The following RARB variants were observed in gnomAD, a reference collection of about 807,000 sequenced individuals.
The protein encoded by RARB is HBV-activated protein.
A neutral mutation model predicts 51.9 loss-of-function variants in RARB; 17 were observed. The ratio of observed to expected loss-of-function variants is 0.33; its 90% CI spans 0.22 to 0.49. RARB has a LOEUF of 0.49. Ranked by LOEUF, RARB falls within the 20% of genes least tolerant of loss-of-function variation. RARB has a pLI of 0.99. For missense variants in RARB, 369 were observed against 550.8 expected (o/e 0.67, Z 3.30); for synonymous variants, 215 against 195.4 (o/e 1.10, Z -0.84).
chr3:25,228,533 C>T (rs1451386604), intron 5 of RARB, among the ~76,000 whole-genome samples: 4 of 151,942 alleles, frequency 2.6e-5, no homozygotes, highest in Admixed American at 6.6e-5. Context: ...ATATTCTTCA[C>T]ACCTACTAAA....
intron 2 of RARB, among the ~76,000 whole-genome samples, chr3:24,963,435 G>T (rs1313266922): frequency 6.8e-6 from 1 of 148,052 alleles, no homozygotes; most frequent in African/African-American, 2.5e-5. Flanking sequence ...CACGCTCATG[G>T]CCTCTTGATC....
At chr3:25,553,816 C>T (rs1025001994) in intron 3 of RARB, among the ~76,000 whole-genome samples, 1 of 152,078 alleles carries the variant, frequency 6.6e-6, no homozygotes, top group Non-Finnish European at 1.5e-5. Flanking sequence ...CAGAGGTCCC[C>T]GACTCTCTTT....
chr3:24,885,385 T>C (rs567090180), intron 2 of RARB, among the ~76,000 whole-genome samples: 1 of 152,290 alleles, frequency 6.6e-6, no homozygotes, highest in South Asian at 2.1e-4. Flanking sequence ...GGTGGGGATT[T>C]GAGCATCAGA....
intron 3 of RARB, among the ~76,000 whole-genome samples, chr3:25,077,933 C>A (rs1182451097): frequency 6.6e-6 from 1 of 152,072 alleles, no homozygotes; most frequent in East Asian, 1.9e-4. Context: ...GATATCTTTG[C>A]TAACTAATGA....
chr3:25,104,612 C>T (rs1412042802), intron 3 of RARB, among the ~76,000 whole-genome samples: 1 of 151,994 alleles, frequency 6.6e-6, no homozygotes, highest in Admixed American at 6.6e-5. Flanking sequence ...CCACTGCACT[C>T]CAGCTTGGGT....
intron 2 of RARB, among the ~76,000 whole-genome samples, chr3:24,953,703 T>G (rs898407090): frequency 3.9e-5 from 6 of 152,214 alleles, no homozygotes; most frequent in African/African-American, 1.4e-4. Flanking sequence ...CAGATTTTTT[T>G]TCAAAAACAA....
intron 5 of RARB, among the ~76,000 whole-genome samples, chr3:25,395,052 G>A (rs1285701350): frequency 1.3e-5 from 2 of 152,146 alleles, no homozygotes; most frequent in Non-Finnish European, 2.9e-5. Context: ...TTGAGGTTTT[G>A]TTTCAAGATT....
At chr3:25,563,745 G>A (rs977773252) in intron 3 of RARB, among the ~76,000 whole-genome samples, 3 of 152,064 alleles carry the variant, frequency 2.0e-5, no homozygotes, top group Non-Finnish European at 4.4e-5. Context: ...TTAGTTACAG[G>A]TCATCCCCAA....
intron 5 of RARB, among the ~76,000 whole-genome samples, chr3:25,186,241 A>G (rs1700971496): frequency 6.6e-6 from 1 of 152,116 alleles, no homozygotes; most frequent in South Asian, 2.1e-4. Flanking sequence ...CAACCATGGT[A>G]TGCCATTTTA....
intron 5 of RARB, among the ~76,000 whole-genome samples, chr3:25,581,730 T>C (rs769035513): frequency 6.6e-6 from 1 of 152,038 alleles, no homozygotes; most frequent in South Asian, 2.1e-4. Flanking sequence ...AGCCCCAAGA[T>C]GGAATCAGTG....
intron 4 of RARB, among the ~76,000 whole-genome samples, chr3:25,172,089 A>G (rs188934849): frequency 2.4e-4 from 37 of 152,244 alleles, no homozygotes; most frequent in Non-Finnish European, 1.0e-4. Flanking sequence ...CTCCTTTGTA[A>G]GTTCAGCGGA....
chr3:24,927,380 C>T (rs73051208), intron 2 of RARB, among the ~76,000 whole-genome samples: 5,751 of 152,104 alleles, frequency 0.038, 141 homozygotes, highest in Middle Eastern at 0.085. Context: ...TAAGAAGCTA[C>T]AAATAATGAA....
chr3:24,982,956 C>G (rs985670775), intron 2 of RARB, among the ~76,000 whole-genome samples: 3 of 152,168 alleles, frequency 2.0e-5, no homozygotes, highest in African/African-American at 4.8e-5. Context: ...CTTTTTGAAA[C>G]TATTTGAATC....
intron 5 of RARB, among the ~76,000 whole-genome samples, chr3:25,591,136 G>A (rs558632140): frequency 2.6e-5 from 4 of 152,300 alleles, no homozygotes; most frequent in South Asian, 2.1e-4. Context: ...TGAAAATAAC[G>A]ACCCATCAAA....
intron 2 of RARB, among the ~76,000 whole-genome samples, chr3:25,055,555 T>C (rs1181674144): frequency 6.6e-6 from 1 of 152,150 alleles, no homozygotes; most frequent in Non-Finnish European, 1.5e-5. Flanking sequence ...TTATCCTTAC[T>C]CTTTACAAAT....
At chr3:25,252,595 G>A (rs1330171959) in intron 5 of RARB, among the ~76,000 whole-genome samples, 1 of 152,004 alleles carries the variant, frequency 6.6e-6, no homozygotes, top group Non-Finnish European at 1.5e-5. Flanking sequence ...CTATTTTATT[G>A]TTTTGGTTGC....
chr3:25,249,720 G>C (rs867704095), intron 5 of RARB, among the ~76,000 whole-genome samples: 2 of 138,260 alleles, frequency 1.4e-5, no homozygotes, highest in Middle Eastern at 4.1e-3. Flanking sequence ...AACAACATCA[G>C]TAGTGTCTGT....
At chr3:24,900,491 CA>C (rs1408997339) in intron 2 of RARB, among the ~76,000 whole-genome samples, 1 of 152,130 alleles carries the variant, frequency 6.6e-6, no homozygotes, top group African/African-American at 2.4e-5. Flanking sequence ...ATTGCTGGAG[CA>C]AAGAATAATT....
chr3:25,360,092 A>G (rs980366000), intron 5 of RARB, among the ~76,000 whole-genome samples: 3 of 152,122 alleles, frequency 2.0e-5, no homozygotes, highest in Non-Finnish European at 4.4e-5. Context: ...GTTTCCCAAT[A>G]TTATTGTGTG....
Sources: gnomAD v4.1 joint callset for allele counts (sites outside exome capture counted in the v4.1 genomes callset) on GRCh38, gnomAD v4.1.1 for gene constraint, MANE v1.5 for transcripts, NCBI Gene and HGNC (gene_info 2026-07-23, HGNC 2026-07-21) for gene names.